The following GRIK3 variants were observed in gnomAD, a reference collection of about 807,000 sequenced individuals.
GRIK3 encodes glutamate receptor ionotropic, kainate 3.
A neutral mutation model predicts 102.5 loss-of-function variants in GRIK3; 29 were observed. That is an observed-to-expected ratio of 0.28 (90% CI 0.21 to 0.39). GRIK3 has a LOEUF of 0.39. GRIK3 is among the 10% of genes least tolerant of loss of function. The pLI is 1.00. For missense variants in GRIK3, 908 were observed against 1,252.4 expected, an observed-to-expected ratio of 0.73 and a Z score of 4.15; for synonymous variants, 511 against 504.9, an observed-to-expected ratio of 1.01 and a Z score of -0.16.
chr1:36,973,055 T>C (rs975849268), intron 1 of GRIK3, among the ~76,000 whole-genome samples: 2 of 152,166 alleles, frequency 1.3e-5, no homozygotes, highest in African/African-American at 4.8e-5. Context: ...CAGTGACCCA[T>C]GCCAGTCTGG....
intron 1 of GRIK3, among the ~76,000 whole-genome samples, chr1:36,909,991 C>T (rs1266413603): frequency 6.6e-6 from 1 of 152,174 alleles, no homozygotes; most frequent in Non-Finnish European, 1.5e-5. Context: ...TGAATGTGAC[C>T]TCCAAAACCA....
intron 1 of GRIK3, among the ~76,000 whole-genome samples, chr1:37,021,032 G>A (rs568180532): frequency 1.6e-4 from 25 of 151,658 alleles, no homozygotes; most frequent in Middle Eastern, 3.2e-3. Context: ...TTTCCACATT[G>A]GAAAAGTCTA....
intron 1 of GRIK3, among the ~76,000 whole-genome samples, chr1:36,974,092 A>G (rs1368834135): frequency 6.6e-6 from 1 of 152,188 alleles, no homozygotes; most frequent in Non-Finnish European, 1.5e-5. Context: ...ACTGGGCAGC[A>G]GCCAGCTCAG....
Position 36,800,885 on chromosome 1 carries a change from T to C in GRIK3, c.*966A>G, listed in dbSNP as rs567138191. 16 of 152,332 alleles carry C rather than the reference T, an allele frequency of 1.1e-4. No individual in the cohort carries two copies. The highest frequency in any genetic ancestry group is 3.6e-4 in the African/African-American group (15 of 41,578). 9.4% of individuals were successfully genotyped at this position (152,332 alleles called of 1,614,324 possible). A position where few individuals can be genotyped will look rare whatever the true frequency, so the allele number is the denominator to read the frequency against. On this transcript the variant is annotated 3_prime_UTR_variant, in exon 16 of 16. Coordinates refer to ENST00000373091, the MANE Select transcript of GRIK3 (RefSeq NM_000831.4). ...GAATGGGGAGTTGTTGATGAGAAGA[T>C]GGCAAAGAGCCCAGGTTTCCAAATG... is the stretch of plus-strand genomic sequence containing the variant.
chr1:37,004,672 G>A (rs1351214284), intron 1 of GRIK3, among the ~76,000 whole-genome samples: 1 of 152,250 alleles, frequency 6.6e-6, no homozygotes, highest in Non-Finnish European at 1.5e-5. Flanking sequence ...GCTGAACTCT[G>A]TGTTTGCGTA....
intron 1 of GRIK3, among the ~76,000 whole-genome samples, chr1:37,021,698 C>G (rs1375711403): frequency 6.6e-6 from 1 of 152,144 alleles, no homozygotes; most frequent in Non-Finnish European, 1.5e-5. Flanking sequence ...TCATGTTTCC[C>G]CAGGGAGGGA....
At chr1:36,888,278 G>T (rs1324349084) in intron 2 of GRIK3, among the ~76,000 whole-genome samples, 1 of 152,118 alleles carries the variant, frequency 6.6e-6, no homozygotes, top group Non-Finnish European at 1.5e-5. Context: ...AAAGAGCAAG[G>T]CTTAAAAGAG....
intron 1 of GRIK3, among the ~76,000 whole-genome samples, chr1:36,941,616 T>C (rs973170089): frequency 6.6e-6 from 1 of 152,192 alleles, no homozygotes; most frequent in African/African-American, 2.4e-5. Context: ...TTTGACACTG[T>C]GAGAGGCAGT....
chr1:36,842,056 G>A (rs1640460300), intron 9 of GRIK3, 117 bp from the exon 10 acceptor site: 1 of 848,772 alleles, frequency 1.2e-6, no homozygotes, highest in Admixed American at 1.9e-5. Context: ...CCCTTGGAGT[G>A]GCTTAGACAA....
In GRIK3 at chr1:36,814,163, A is replaced by T. The variant is rs1049035775; in HGVS notation, c.2091+2897T>A. Among the ~76,000 whole-genome samples, 21 of 152,306 alleles carry T rather than the reference A, an allele frequency of 1.4e-4. No homozygotes were observed. In the East Asian group the frequency reaches 4.1e-3, roughly 29 times the overall value. ...GGTGCTGCTTGATGGTGAGGGCAGCAGCTCGGTGGGGAGCTGGGGCTAGCT... is the reference window on the plus strand; with the variant it reads ...GGTGCTGCTTGATGGTGAGGGCAGCTGCTCGGTGGGGAGCTGGGGCTAGCT... On this transcript the variant is annotated intron_variant, in intron 13 of 15. Transcript: ENST00000373091.
At chr1:36,977,911 G>A (rs1392567577) in intron 1 of GRIK3, among the ~76,000 whole-genome samples, 2 of 152,238 alleles carry the variant, frequency 1.3e-5, no homozygotes, top group Admixed American at 6.5e-5. Context: ...CTGGGGGCAG[G>A]CCCTGCAGGG....
chr1:37,031,058 C>T (rs1642822425), intron 1 of GRIK3, among the ~76,000 whole-genome samples: 1 of 152,124 alleles, frequency 6.6e-6, no homozygotes, highest in Non-Finnish European at 1.5e-5. Flanking sequence ...GCCCGTTTGG[C>T]TGAGAGAATC....
intron 1 of GRIK3, among the ~76,000 whole-genome samples, chr1:36,922,357 C>T (rs569787085): frequency 6.6e-6 from 1 of 152,302 alleles, no homozygotes; most frequent in East Asian, 1.9e-4. Context: ...CCACCCGCCC[C>T]CTTAAGCAGC....
At chr1:36,825,848 A>G (rs1642749790) in intron 10 of GRIK3, 22 bp from the exon 11 acceptor site, 1 of 1,536,492 alleles carries the variant, frequency 6.5e-7, no homozygotes, top group Middle Eastern at 1.7e-4. Flanking sequence ...CAGAGAGAGA[A>G]AGACAGACTA....
intron 1 of GRIK3, among the ~76,000 whole-genome samples, chr1:36,990,262 G>A (rs560468035): frequency 2.6e-5 from 4 of 152,142 alleles, no homozygotes; most frequent in East Asian, 1.9e-4. Context: ...CCATCCACCC[G>A]ACTGGGCACC....
At chr1:36,894,960 A>G (rs1641157167) in intron 1 of GRIK3, among the ~76,000 whole-genome samples, 1 of 152,224 alleles carries the variant, frequency 6.6e-6, no homozygotes, top group Non-Finnish European at 1.5e-5. Flanking sequence ...CTGGGGTTTC[A>G]TGAGAGACTA....
rs1209976190 is a variant in GRIK3 at position 36,805,076 on chromosome 1, T to C, written c.2476A>G (p.Ile826Val). 3.7e-6 allele frequency: 6 copies of C among 1,614,182 alleles called. No homozygotes were observed. The highest frequency in any genetic ancestry group is 1.7e-5 in the Admixed American group (1 of 60,026). The change falls in exon 15 of 16, where the codon ATT becomes GTT. Residue 826 changes from isoleucine (I) to valine (V), a missense_variant. By Grantham distance (29) the Ile-to-Val change is conservative (BLOSUM62 3). Transcript: ENST00000373091. ...LGIQKIGGIF[I>V]VLAAGLVLSV... The stretch of plus-strand genomic sequence containing the variant: ...AGGACCAGCCCGGCGGCCAGGACAA[T>C]GAAGATGCCCCCGATCTTCTGGATC...
rs1331989121 is a variant in GRIK3, at chr1:36,850,031, C to T, written c.1326+280G>A. On this transcript the variant is annotated intron_variant, in intron 9 of 15. Coordinates refer to ENST00000373091, the MANE Select transcript of GRIK3 (RefSeq NM_000831.4). The surrounding 1 kb of genome is among the most constrained non-coding windows in gnomAD (Gnocchi z 4.0). ...CTCAGGTTGCAATGGGCTGTCAAAC[C>T]CCCTTAATTCCACCATCCAGCATGG... is the stretch of plus-strand genomic sequence containing the variant. 3 of 354,008 alleles carry T rather than the reference C, an allele frequency of 8.5e-6. No homozygotes were observed. Among genetic ancestry groups the T allele is most frequent in the Non-Finnish European group, 1.6e-5 (3 of 193,390 alleles). 21.9% of individuals were successfully genotyped at this position (354,008 alleles called of 1,614,324 possible).
At chr1:37,031,757 T>C (rs1431255057) in intron 1 of GRIK3, among the ~76,000 whole-genome samples, 1 of 152,102 alleles carries the variant, frequency 6.6e-6, no homozygotes, top group Non-Finnish European at 1.5e-5. Context: ...CAAGGTGGTG[T>C]GTTTGGATTT....
Sources: gnomAD v4.1 joint callset for allele counts (sites outside exome capture counted in the v4.1 genomes callset) on GRCh38, gnomAD v4.1.1 for gene constraint, Gnocchi (gnomAD v3.1) non-coding constraint, MANE v1.5 for transcripts, NCBI Gene and HGNC (gene_info 2026-07-23, HGNC 2026-07-21) for gene names.